Variants in EPHA6 observed in about 807,000 individuals in gnomAD.
EPHA6 encodes the protein ephrin type-A receptor 6.
A neutral mutation model predicts 112.0 loss-of-function variants in EPHA6; 50 were observed. That is an observed-to-expected ratio of 0.45 (90% CI 0.36 to 0.56). The LOEUF is 0.56. Among genes scored for constraint, EPHA6 ranks in the 20% least tolerant of loss-of-function variants. The pLI is 0.00. For missense variants in EPHA6, 1,280 were observed against 1,417.4 expected (o/e 0.90, Z 1.56); for synonymous variants, 529 against 490.7 (o/e 1.08, Z -1.03).
intron 3 of EPHA6, among the ~76,000 whole-genome samples, chr3:97,190,135 G>A (rs1045484129): frequency 6.6e-6 from 1 of 152,128 alleles, no homozygotes; most frequent in African/African-American, 2.4e-5. Context: ...TCCATAGGGT[G>A]TGAGAACATA....
chr3:96,957,320 A>G (rs992249202), intron 2 of EPHA6, among the ~76,000 whole-genome samples: 4 of 152,240 alleles, frequency 2.6e-5, no homozygotes, highest in Admixed American at 2.0e-4. Context: ...TTGCATGGCT[A>G]AAGATATAAC....
chr3:97,210,149 A>G (rs2077828455), intron 3 of EPHA6, among the ~76,000 whole-genome samples: 1 of 152,210 alleles, frequency 6.6e-6, no homozygotes, highest in Non-Finnish European at 1.5e-5. Flanking sequence ...TCCTTATTAT[A>G]TTAGTTCGTT....
chr3:97,405,285 T>C lies in EPHA6; in HGVS notation c.1731+11T>C, dbSNP rs747183761. On this transcript the variant is annotated intron_variant, in intron 6 of 17. Transcript: ENST00000389672. ...AAGTACTATGAGAAAGTAGGTCTTATTTGGAGCTTCCTATAAAACTACATA... is the reference window on the plus strand; with the variant it reads ...AAGTACTATGAGAAAGTAGGTCTTACTTGGAGCTTCCTATAAAACTACATA... 23 of 1,609,126 alleles carry C rather than the reference T, an allele frequency of 1.4e-5. No homozygotes were observed. The highest frequency in any genetic ancestry group is 1.7e-5 in the Admixed American group (1 of 59,436).
At chr3:97,363,963 A>C (rs2084560473) in intron 5 of EPHA6, among the ~76,000 whole-genome samples, 1 of 152,094 alleles carries the variant, frequency 6.6e-6, no homozygotes, top group African/African-American at 2.4e-5. Flanking sequence ...TCAAATTCAT[A>C]AAGACAGAAA....
At chr3:97,536,512 T>A (rs962904551) in intron 11 of EPHA6, among the ~76,000 whole-genome samples, 1 of 152,136 alleles carries the variant, frequency 6.6e-6, no homozygotes, top group Non-Finnish European at 1.5e-5. Flanking sequence ...TTCATAAAAA[T>A]ATTCCCTAAA....
chr3:97,317,322 A>G (rs1052651430), intron 5 of EPHA6, among the ~76,000 whole-genome samples: 5 of 151,992 alleles, frequency 3.3e-5, no homozygotes, highest in African/African-American at 1.2e-4. Context: ...TAAGAGTTCA[A>G]TGATAAGAGA....
At chr3:97,084,824 C>T (rs1287020675) in intron 3 of EPHA6, among the ~76,000 whole-genome samples, 1 of 152,018 alleles carries the variant, frequency 6.6e-6, no homozygotes, top group Non-Finnish European at 1.5e-5. Context: ...GGCCGTACTA[C>T]CCAAAGGCTA....
At chr3:97,216,733 A>C (rs1260782555) in intron 3 of EPHA6, among the ~76,000 whole-genome samples, 1 of 152,206 alleles carries the variant, frequency 6.6e-6, no homozygotes, top group Non-Finnish European at 1.5e-5. Context: ...TATTCTCAGA[A>C]ACATTTGGTA....
In EPHA6 at chr3:96,814,934, T is replaced by A; in HGVS notation, c.311T>A (p.Leu104His). The change falls in exon 1 of 18, where the codon CTT becomes CAT. Residue 104 changes from leucine to histidine, a missense_variant. Leu to His is a moderately conservative substitution (Grantham distance 99). Coordinates refer to ENST00000389672, the MANE Select transcript of EPHA6 (RefSeq NM_001080448.3). ...GGGGGCTGCGAAGTCCGGGAATTTC[T>A]TTTGCAATTTGGTTTCTTCTTGCCT... ...TMGGCEVREF[L>H]LQFGFFLPLL... The A allele has an allele frequency of 6.4e-7, 1 of 1,551,338 alleles. No individual in the cohort carries two copies. The highest frequency in any genetic ancestry group is 8.7e-7 in the Non-Finnish European group (1 of 1,146,566).
rs2036105829 is a variant in EPHA6 at position 97,759,518 on chromosome 3, T to C, written c.*10817T>C. Reference sequence around the variant, plus strand: ...ACTTGGCAGACAGGGGAAAACTGATTATGCAAGAGAGATGATAATTGTAAC... The same window carrying C: ...ACTTGGCAGACAGGGGAAAACTGATCATGCAAGAGAGATGATAATTGTAAC... On this transcript the variant is annotated 3_prime_UTR_variant, in exon 18 of 18. Coordinates refer to ENST00000389672, the MANE Select transcript of EPHA6 (RefSeq NM_001080448.3). 1 of 230,770 alleles carries C rather than the reference T, an allele frequency of 4.3e-6. No individual in the cohort carries two copies. The highest frequency in any genetic ancestry group is 6.1e-5 in the East Asian group (1 of 16,278). The allele number at this position is 230,770 out of a possible 1,614,324, so 14.3% of individuals were successfully genotyped here.
rs1191865820 is a variant in EPHA6, at chr3:97,752,156, T to C, written c.*3455T>C. 1 of 223,486 alleles carries C rather than the reference T, an allele frequency of 4.5e-6. No homozygotes were observed. Among genetic ancestry groups the C allele is most frequent in the East Asian group, 6.5e-5 (1 of 15,286 alleles). 13.8% of individuals were successfully genotyped at this position (223,486 alleles called of 1,614,324 possible). A position where few individuals can be genotyped will look rare whatever the true frequency, so the allele number is the denominator to read the frequency against. On this transcript the variant is annotated 3_prime_UTR_variant, in exon 18 of 18. Transcript: ENST00000389672. ...ACTCTGCATTGGTCTTTAAAATCTA[T>C]CAAAGTATAACCTGAATAAAACTGC...
chr3:96,920,846 T>C (rs2039720836), intron 2 of EPHA6, among the ~76,000 whole-genome samples: 2 of 152,066 alleles, frequency 1.3e-5, no homozygotes, highest in African/African-American at 4.8e-5. Context: ...ACAGACATTA[T>C]AGAATAGAAA....
intron 6 of EPHA6, among the ~76,000 whole-genome samples, chr3:97,409,310 A>G (rs2087557167): frequency 6.6e-6 from 1 of 152,086 alleles, no homozygotes. Flanking sequence ...TAATTAATAG[A>G]TACTGATTGT....
At chr3:96,916,803 CTAGT>C (rs2039504233) in intron 2 of EPHA6, among the ~76,000 whole-genome samples, 1 of 152,060 alleles carries the variant, frequency 6.6e-6, no homozygotes, top group South Asian at 2.1e-4. Flanking sequence ...GTTCAAAATA[CTAGT>C]TAATCAGGAA....
chr3:97,123,806 A>G (rs2048108430), intron 3 of EPHA6, among the ~76,000 whole-genome samples: 1 of 152,080 alleles, frequency 6.6e-6, no homozygotes, highest in Non-Finnish European at 1.5e-5. Context: ...AATCAGCCAT[A>G]GTGATGTACT....
At chr3:97,243,087 CG>C (rs2078894466) in intron 4 of EPHA6, among the ~76,000 whole-genome samples, 1 of 151,644 alleles carries the variant, frequency 6.6e-6, no homozygotes, top group South Asian at 2.1e-4. Context: ...GAGTAATTAG[CG>C]GCTATCAAGC....
rs752622822 is a variant in EPHA6 at position 96,987,427 on chromosome 3, C to T, written c.548C>T (p.Thr183Ile). The T allele has an allele frequency of 1.2e-6, 2 of 1,613,862 alleles. No homozygotes were observed. Among genetic ancestry groups the T allele is most frequent in the Non-Finnish European group, 1.7e-6 (2 of 1,179,854 alleles). The change falls in exon 3 of 18, where the codon ACA becomes ATA. Residue 183 changes from threonine to isoleucine, a missense_variant. Transcript: ENST00000389672. ...MEPNQNNWLRTNWISRDAAQK... is the reference protein window; with the variant it reads ...MEPNQNNWLRINWISRDAAQK... ...CCAAACCAAAACAACTGGCTTCGTA[C>T]AAACTGGATCTCCCGTGATGCAGCT...
intron 11 of EPHA6, among the ~76,000 whole-genome samples, chr3:97,567,403 T>C (rs1301354971): frequency 6.6e-6 from 1 of 152,158 alleles, no homozygotes; most frequent in Non-Finnish European, 1.5e-5. Context: ...ATCAATGTTA[T>C]CTATAAAATG....
chr3:97,328,078 T>TATATAC (rs1309698190), intron 5 of EPHA6, among the ~76,000 whole-genome samples: 1 of 138,420 alleles, frequency 7.2e-6, no homozygotes, highest in South Asian at 2.1e-4. Context: ...TATATATATA[T>TATATAC]AACCTGTTTT....
Sources: gnomAD v4.1 joint callset for allele counts (sites outside exome capture counted in the v4.1 genomes callset) on GRCh38, gnomAD v4.1.1 for gene constraint, MANE v1.5 for transcripts, NCBI Gene and HGNC (gene_info 2026-07-23, HGNC 2026-07-21) for gene names.